CNTN4: variants seen among roughly 807,000 people sequenced by gnomAD.
CNTN4 encodes the protein contactin 4, also known as contactin-4.
CNTN4 carries 77 observed loss-of-function variants against 122.5 expected under a neutral mutation model. The observed-to-expected ratio is 0.63, with a 90% CI of 0.52 to 0.76. The LOEUF is 0.76. Ranked by LOEUF, CNTN4 falls within the 30% of genes least tolerant of loss-of-function variation. The pLI is 0.00. For synonymous variants in CNTN4, 512 were observed against 447.0 expected, an observed-to-expected ratio of 1.15 and a Z score of -1.83; for missense variants, 1,256 against 1,259.1, an observed-to-expected ratio of 1.00 and a Z score of 0.04.
intron 2 of CNTN4, among the ~76,000 whole-genome samples, chr3:2,151,443 A>G (rs969227426): frequency 6.6e-6 from 1 of 152,216 alleles, no homozygotes; most frequent in Admixed American, 6.5e-5. Flanking sequence ...AAACAAGCTC[A>G]GTCTGGCTGA....
chr3:2,930,039 C>T (rs1317874372), intron 13 of CNTN4, among the ~76,000 whole-genome samples: 3 of 152,156 alleles, frequency 2.0e-5, no homozygotes, highest in Admixed American at 6.5e-5. Flanking sequence ...TATGTCCTTG[C>T]AACTTCCACT....
At chr3:2,928,501 T>C (rs887050262) in intron 13 of CNTN4, among the ~76,000 whole-genome samples, 1 of 152,196 alleles carries the variant, frequency 6.6e-6, no homozygotes, top group Admixed American at 6.5e-5. Context: ...TAGACCAACA[T>C]GAAGTGCAAA....
In CNTN4 at chr3:2,315,406, C is replaced by T. The variant is rs893831841; in HGVS notation, c.-144-23772C>T. Among the ~76,000 whole-genome samples the T allele has an allele frequency of 2.0e-5, 3 of 151,898 alleles. No individual in the cohort carries two copies. In the South Asian group the frequency reaches 6.2e-4, roughly 32 times the overall value. On this transcript the variant is annotated intron_variant, in intron 2 of 24. Coordinates refer to ENST00000418658, the MANE Select transcript of CNTN4 (RefSeq NM_175607.3). ...CAAACGAGAAGTGGGATGCTGTTATCTGAAGTAAAGAGAGGCACTTGGTAG... is the reference window on the plus strand; with the variant it reads ...CAAACGAGAAGTGGGATGCTGTTATTTGAAGTAAAGAGAGGCACTTGGTAG...
At chr3:2,370,035 C>T (rs540520392) in intron 3 of CNTN4, among the ~76,000 whole-genome samples, 2 of 152,276 alleles carry the variant, frequency 1.3e-5, no homozygotes, top group African/African-American at 4.8e-5. Flanking sequence ...GCCTTGCCAA[C>T]ACAGTGCCCA....
chr3:2,109,820 A>G (rs893864336), intron 2 of CNTN4, among the ~76,000 whole-genome samples: 3 of 152,198 alleles, frequency 2.0e-5, no homozygotes, highest in Non-Finnish European at 4.4e-5. Context: ...TATTGATTCT[A>G]GACTCCTTAC....
At chr3:2,370,587 G>T (rs1017205423) in intron 3 of CNTN4, among the ~76,000 whole-genome samples, 3 of 152,144 alleles carry the variant, frequency 2.0e-5, no homozygotes, top group Non-Finnish European at 4.4e-5. Flanking sequence ...TGATTCAAAT[G>T]ATTTGCATAT....
At chr3:2,163,606 A>C (rs772441406) in intron 2 of CNTN4, among the ~76,000 whole-genome samples, 2 of 152,176 alleles carry the variant, frequency 1.3e-5, no homozygotes, top group African/African-American at 4.8e-5. Context: ...TATGCATCTG[A>C]CAAAGGACTA....
chr3:2,618,243 G>A (rs55764817), intron 4 of CNTN4, among the ~76,000 whole-genome samples: 61,557 of 151,066 alleles, frequency 0.41, 13,838 homozygotes, highest in Middle Eastern at 0.52. Flanking sequence ...TTAAATGTGG[G>A]TATATATATA....
At chr3:2,171,200 A>G (rs2036489766) in intron 2 of CNTN4, among the ~76,000 whole-genome samples, 1 of 152,216 alleles carries the variant, frequency 6.6e-6, no homozygotes, top group Admixed American at 6.5e-5. Flanking sequence ...AATGTCCACC[A>G]GGAAATGGAC....
chr3:3,041,448 T>G (rs1390821228), intron 20 of CNTN4, among the ~76,000 whole-genome samples: 1 of 152,242 alleles, frequency 6.6e-6, no homozygotes, highest in Admixed American at 6.5e-5. Flanking sequence ...GTCAGCTGAC[T>G]TGACTAAGAT....
At chr3:2,366,398 C>G (rs1000260188) in intron 3 of CNTN4, among the ~76,000 whole-genome samples, 12 of 152,090 alleles carry the variant, frequency 7.9e-5, no homozygotes, top group Non-Finnish European at 1.5e-4. Context: ...CCATTTCATT[C>G]ATGATAATAC....
intron 2 of CNTN4, chr3:2,110,681 A>G (rs1433112388): frequency 1.3e-5 from 2 of 152,196 alleles, no homozygotes; most frequent in African/African-American, 4.8e-5. Context: ...AGTAAGAGTA[A>G]ACAGATTCGG....
Position 3,056,216 on chromosome 3 carries a change from T to C in CNTN4, c.3077T>C (p.Leu1026Ser). The C allele has an allele frequency of 6.2e-7, 1 of 1,612,772 alleles. No homozygotes were observed. Residue 1026 changes from leucine to serine, a missense_variant, in exon 25 of 25, where the codon TTA (leucine) becomes TCA (serine). By Grantham distance (145) the Leu-to-Ser change is moderately radical. Coordinates refer to ENST00000418658, the MANE Select transcript of CNTN4 (RefSeq NM_175607.3). The stretch of plus-strand genomic sequence containing the variant: ...ATTTCCCTCACAGCTAGGTCCAGTT[T>C]ATGACAAAAGTTATCTGAAGGACTT... ...IMISLTARSS[L>S]
At chr3:3,009,535 G>A (rs1012764091) in intron 14 of CNTN4, among the ~76,000 whole-genome samples, 44 of 150,990 alleles carry the variant, frequency 2.9e-4, no homozygotes, top group African/African-American at 9.9e-4. Context: ...CCGGGTTCCC[G>A]CCATTCTCCT....
At chr3:2,297,567 C>T (rs1297748860) in intron 2 of CNTN4, among the ~76,000 whole-genome samples, 4 of 152,124 alleles carry the variant, frequency 2.6e-5, no homozygotes, top group Admixed American at 1.3e-4. Flanking sequence ...ATTTAATCCC[C>T]ACGCATTTTA....
chr3:2,804,949 C>T (rs12638779), intron 6 of CNTN4, among the ~76,000 whole-genome samples: 36,991 of 151,740 alleles, frequency 0.24, 5,488 homozygotes, highest in East Asian at 0.45. Flanking sequence ...CTGAGGCGGG[C>T]GGATCACCTG....
intron 4 of CNTN4, among the ~76,000 whole-genome samples, chr3:2,695,930 G>A (rs2086007355): frequency 6.6e-6 from 1 of 152,164 alleles, no homozygotes; most frequent in Non-Finnish European, 1.5e-5. Context: ...TGGTAGGGGT[G>A]GGGGTAATGA....
rs894557584 is a variant in CNTN4, at chr3:3,057,026, T to C, written c.*806T>C. 3.9e-5 allele frequency: 6 copies of C among 152,658 alleles called. No homozygotes were observed. The highest frequency in any genetic ancestry group is 7.3e-5 in the Non-Finnish European group (5 of 68,028). 9.5% of individuals were successfully genotyped at this position (152,658 alleles called of 1,614,324 possible). A position where few individuals can be genotyped will look rare whatever the true frequency, so the allele number is the denominator to read the frequency against. ...TGGTAGCATTATCTTAGACATTAAATTTGAAGTAACATATATCCTGTAGTA... is the reference window on the plus strand; with the variant it reads ...TGGTAGCATTATCTTAGACATTAAACTTGAAGTAACATATATCCTGTAGTA... On this transcript the variant is annotated 3_prime_UTR_variant, in exon 25 of 25. Coordinates refer to ENST00000418658, the MANE Select transcript of CNTN4 (RefSeq NM_175607.3).
chr3:2,545,922 A>G (rs2078226470), intron 3 of CNTN4, among the ~76,000 whole-genome samples: 1 of 152,080 alleles, frequency 6.6e-6, no homozygotes, highest in African/African-American at 2.4e-5. Flanking sequence ...AAAATGCTCA[A>G]CATCACTAAT....
Sources: allele counts gnomAD v4.1 joint callset (sites outside exome capture counted in the v4.1 genomes callset), GRCh38; gene constraint gnomAD v4.1.1; transcripts MANE v1.5; gene names NCBI Gene and HGNC (gene_info 2026-07-23, HGNC 2026-07-21).